Variants in TNRC6A observed in about 807,000 individuals in gnomAD.
TNRC6A encodes the protein trinucleotide repeat containing adaptor 6A, also known as trinucleotide repeat-containing gene 6A protein.
In TNRC6A, 44 loss-of-function variants were observed where a neutral mutation model predicts 221.2. The observed-to-expected ratio is 0.20, with a 90% CI of 0.16 to 0.26. The LOEUF is 0.26. Among genes scored for constraint, TNRC6A ranks in the 10% least tolerant of loss-of-function variants. The pLI is 1.00. For synonymous variants in TNRC6A, 847 were observed against 838.5 expected (o/e 1.01, Z -0.18); for missense variants, 2,199 against 2,404.4 (o/e 0.91, Z 1.79).
intron 2 of TNRC6A, among the ~76,000 whole-genome samples, chr16:24,749,524 A>G (rs1464418559): frequency 3.3e-5 from 5 of 152,112 alleles, no homozygotes; most frequent in Admixed American, 6.5e-5. Flanking sequence ...TGGCTTTTCT[A>G]TTCCTTAGGC....
intron 2 of TNRC6A, among the ~76,000 whole-genome samples, chr16:24,649,964 C>T (rs1902546245): frequency 1.3e-5 from 2 of 151,494 alleles, no homozygotes; most frequent in African/African-American, 4.8e-5. Context: ...GCTGGTATTA[C>T]AGGCATGCGC....
Position 24,820,170 on chromosome 16 carries a change from T to C in TNRC6A, c.5112T>C (p.Ser1704=). 6.2e-7 allele frequency: 1 copy of C among 1,614,214 alleles called. No homozygotes were observed. Among genetic ancestry groups the C allele is most frequent in the East Asian group, 2.2e-5 (1 of 44,882 alleles). ...ARNSDSKLTW[S]PGSVTNTSLA... ...ATAGTGATTCCAAATTGACATGGTC[T>C]CCTGGTTCAGTTACAAACACCTCTC... is the stretch of plus-strand genomic sequence containing the variant. The change falls in exon 22 of 25, where the codon TCT becomes TCC. Residue 1704 remains serine, a synonymous_variant. Coordinates refer to ENST00000395799, the MANE Select transcript of TNRC6A (RefSeq NM_014494.4).
intron 18 of TNRC6A, among the ~76,000 whole-genome samples, chr16:24,814,176 A>T (rs961741972): frequency 2.6e-5 from 4 of 152,052 alleles, no homozygotes; most frequent in African/African-American, 4.8e-5. Context: ...ATCATCCCTG[A>T]GTTACCCATG....
chr16:24,670,825 G>A, intron 2 of TNRC6A: 1 of 198,016 alleles, frequency 5.1e-6, no homozygotes, highest in Non-Finnish European at 1.1e-5. Flanking sequence ...AAGGGAGGGT[G>A]GACCCTTGGG....
At chr16:24,802,973 T>A (rs1313848914) in intron 11 of TNRC6A, among the ~76,000 whole-genome samples, 1 of 152,082 alleles carries the variant, frequency 6.6e-6, no homozygotes, top group Non-Finnish European at 1.5e-5. Flanking sequence ...GGAGAGAAGA[T>A]CATTTTTTAT....
At chr16:24,702,850 A>C (rs1048048653) in intron 2 of TNRC6A, among the ~76,000 whole-genome samples, 2 of 151,472 alleles carry the variant, frequency 1.3e-5, no homozygotes, top group African/African-American at 4.8e-5. Context: ...CCTGGTTAAC[A>C]TGGTGAAACA....
chr16:24,617,893 T>C (rs545362804), intron 1 of TNRC6A, among the ~76,000 whole-genome samples: 3 of 152,190 alleles, frequency 2.0e-5, no homozygotes, highest in African/African-American at 7.2e-5. Flanking sequence ...AATTAATTTT[T>C]TTATTTTATT....
chr16:24,635,643 A>T (rs1174425410), intron 1 of TNRC6A, among the ~76,000 whole-genome samples: 1 of 152,234 alleles, frequency 6.6e-6, no homozygotes, highest in South Asian at 2.1e-4. Context: ...CATCATAGAC[A>T]TCACATTTGT....
chr16:24,738,695 G>A (rs537023265), intron 2 of TNRC6A, among the ~76,000 whole-genome samples: 1 of 152,230 alleles, frequency 6.6e-6, no homozygotes, highest in South Asian at 2.1e-4. Flanking sequence ...TCAGTTAATG[G>A]GCATTTGGGC....
Position 24,804,732 on chromosome 16 carries a change from A to G in TNRC6A, c.3865A>G (p.Asn1289Asp). ...KDGIVADESQ[N>D]MQFMSSQSMK... is the part of the protein sequence containing the mutation. ...TGGCATTGTAGCAGATGAATCCCAA[A>G]ACATGCAGTTTATGTCCAGTCAAAG... The change falls in exon 13 of 25, where the codon AAC becomes GAC. Residue 1289 changes from asparagine to aspartate, a missense_variant. Physicochemically the swap from Asn to Asp is conservative, Grantham distance 23. Transcript: ENST00000395799. The G allele has an allele frequency of 6.3e-7, 1 of 1,599,436 alleles. No homozygotes were observed. The highest frequency in any genetic ancestry group is 8.5e-7 in the Non-Finnish European group (1 of 1,176,688).
Position 24,804,531 on chromosome 16 carries a change from G to C in TNRC6A, c.3838-174G>C, listed in dbSNP as rs887393998. 7.8e-6 allele frequency: 9 copies of C among 1,156,010 alleles called. No individual in the cohort carries two copies. The African/African-American group carries it at 1.1e-4, about 14-fold the overall frequency. 71.6% of individuals were successfully genotyped at this position (1,156,010 alleles called of 1,614,324 possible). A position where few individuals can be genotyped will look rare whatever the true frequency, so the allele number is the denominator to read the frequency against. On this transcript the variant is annotated intron_variant, in intron 12 of 24. Transcript: ENST00000395799. ...TTTTCTTCTTAATCCCATGAAATAT[G>C]TTTGGCTCTTTTTGTGTGCTCTAGA...
At chr16:24,817,929 G>A (rs917025800) in intron 20 of TNRC6A, among the ~76,000 whole-genome samples, 1 of 152,180 alleles carries the variant, frequency 6.6e-6, no homozygotes, top group African/African-American at 2.4e-5. Flanking sequence ...TGAATTTGGT[G>A]TTAAAGGAAA....
At position 24,780,360 on chromosome 16, in the gene TNRC6A, C is replaced by T. The variant is rs376039901; in HGVS notation, c.589+3002C>T. Among the ~76,000 whole-genome samples, 25 of 152,218 alleles carry T rather than the reference C, an allele frequency of 1.6e-4. 1 individual carries two copies. The highest frequency in any genetic ancestry group is 5.8e-4 in the African/African-American group (24 of 41,538). The stretch of plus-strand genomic sequence containing the variant: ...TATGGCACTTCAACTTTAATCCTTC[C>T]ACAGGTAATTATCCTAAGAATAAGC... On this transcript the variant is annotated intron_variant, in intron 5 of 24. Transcript: ENST00000395799.
chr16:24,645,369 T>C (rs1465658542), intron 2 of TNRC6A, among the ~76,000 whole-genome samples: 1 of 151,548 alleles, frequency 6.6e-6, no homozygotes, highest in Non-Finnish European at 1.5e-5. Flanking sequence ...AGTCCGGTGG[T>C]AGTGGTGCAT....
intron 8 of TNRC6A, 149 bp downstream of exon 8, chr16:24,794,868 C>T (rs1334278235): frequency 1.2e-5 from 7 of 593,246 alleles, no homozygotes; most frequent in Non-Finnish European, 1.9e-5. Flanking sequence ...TGGGCAGCCA[C>T]CTAGAGAAAC....
At chr16:24,699,330 C>T (rs988688444) in intron 2 of TNRC6A, among the ~76,000 whole-genome samples, 2 of 152,106 alleles carry the variant, frequency 1.3e-5, no homozygotes, top group African/African-American at 4.8e-5. Flanking sequence ...AGAAGAGAGA[C>T]AATCAACCCA....
intron 16 of TNRC6A, 35 bp from the exon 17 acceptor site, chr16:24,806,539 C>T: frequency 5.0e-6 from 8 of 1,609,566 alleles, no homozygotes; most frequent in South Asian, 1.1e-5. Context: ...ACGTTTTCCC[C>T]CAGTAATTTT....
At chr16:24,622,472 G>A (rs770688742) in intron 1 of TNRC6A, among the ~76,000 whole-genome samples, 24 of 152,000 alleles carry the variant, frequency 1.6e-4, no homozygotes, top group African/African-American at 4.1e-4. Flanking sequence ...GTGGTGGTGC[G>A]TGCCTGTAAT....
At chr16:24,720,384 C>T (rs2056387920) in intron 2 of TNRC6A, among the ~76,000 whole-genome samples, 2 of 151,268 alleles carry the variant, frequency 1.3e-5, no homozygotes. Flanking sequence ...ACAGCTAGAC[C>T]TTGTCTCAAA....
Sources: gnomAD v4.1 joint callset for allele counts (sites outside exome capture counted in the v4.1 genomes callset) on GRCh38, gnomAD v4.1.1 for gene constraint, MANE v1.5 for transcripts, NCBI Gene and HGNC (gene_info 2026-07-23, HGNC 2026-07-21) for gene names.